The following SPG7 variants were observed in gnomAD, a reference collection of about 807,000 sequenced individuals.
The protein encoded by SPG7 is SPG7 matrix AAA peptidase subunit, paraplegin.
SPG7 carries 103 observed loss-of-function variants against 81.9 expected under a neutral mutation model. That is an observed-to-expected ratio of 1.26 (90% CI 1.07 to 1.48). SPG7 has a LOEUF of 1.48. Ranked by LOEUF, SPG7 falls within the 40% of genes most tolerant of loss-of-function variation. The probability of loss-of-function intolerance (pLI) is 0.00; values close to 1 mark genes in which losing one functional copy is unlikely to be tolerated. For synonymous variants in SPG7, 534 were observed against 444.2 expected (o/e 1.20, Z -2.54); for missense variants, 1,241 against 1,087.3 (o/e 1.14, Z -1.99).
At position 89,514,308 on chromosome 16, in the gene SPG7, C is replaced by CTTTTTTTTTTTTTTT. The variant is rs148270097; in HGVS notation, c.376+1289_376+1303dup. ...CATTTCAATAAAGTGTGTCCTTTGACTTTTTTTTTTTTTTTTTTTTTTTTT... is the reference window on the plus strand; with the variant it reads ...CATTTCAATAAAGTGTGTCCTTTGACTTTTTTTTTTTTTTTTTTTTTTTTTTTTTTTTTTTTTTTT... On this transcript the variant is annotated intron_variant, in intron 3 of 16. Coordinates refer to ENST00000645818, the MANE Select transcript of SPG7 (RefSeq NM_003119.4). The CTTTTTTTTTTTTTTT allele has an allele frequency of 4.1e-5, 2 of 48,418 alleles. 1 individual carries two copies. Among genetic ancestry groups the CTTTTTTTTTTTTTTT allele is most frequent in the African/African-American group, 1.8e-4 (2 of 10,900 alleles). The allele number at this position is 48,418 out of a possible 1,614,324, so 3.0% of individuals were successfully genotyped here. A position where few individuals can be genotyped will look rare whatever the true frequency, so the allele number is the denominator to read the frequency against.
chr16:89,556,874 C>A lies in SPG7; in HGVS notation c.2182-13C>A. The stretch of plus-strand genomic sequence containing the variant: ...CCTGGGGACTCACACACTGCTATGC[C>A]TGTTCTTTCTAGCTGGCAAACGCCC... On this transcript the variant is annotated splice_polypyrimidine_tract_variant and intron_variant, in intron 16 of 16. Coordinates refer to ENST00000645818, the MANE Select transcript of SPG7 (RefSeq NM_003119.4). 1 of 1,606,960 alleles carries A rather than the reference C, an allele frequency of 6.2e-7. No individual in the cohort carries two copies. The highest frequency in any genetic ancestry group is 1.3e-5 in the African/African-American group (1 of 74,806).
In SPG7 at chr16:89,557,616, C is replaced by CA. The variant is rs886052476; in HGVS notation, c.*524dup. ...CCCAGGCACTGGGCTCCGGAGGACT[C>CA]ACCACTGCCCCCTGCTGCCATGTGG... On this transcript the variant is annotated 3_prime_UTR_variant, in exon 17 of 17. Transcript: ENST00000645818. The CA allele has an allele frequency of 1.1e-5, 2 of 175,626 alleles. No individual in the cohort carries two copies. Among genetic ancestry groups the CA allele is most frequent in the Non-Finnish European group, 2.5e-5 (2 of 80,560 alleles). 10.9% of individuals were successfully genotyped at this position (175,626 alleles called of 1,614,324 possible).
At chr16:89,549,027 T>A (rs935717065) in intron 12 of SPG7, 1 of 455,968 alleles carries the variant, frequency 2.2e-6, no homozygotes, top group African/African-American at 2.0e-5. Flanking sequence ...TGCAGAGGAG[T>A]GGGGCAGCTG....
At chr16:89,546,351 C>T (rs2058563077) in intron 10 of SPG7, 2 of 370,128 alleles carry the variant, frequency 5.4e-6, no homozygotes, top group African/African-American at 2.1e-5. Flanking sequence ...GCCACCGGGC[C>T]CGGCCATCCA....
intron 4 of SPG7, 69 bp downstream of exon 4, chr16:89,524,316 CTGTGGGCTCCTGTGAATGAGGG>C: frequency 9.8e-6 from 15 of 1,530,408 alleles, no homozygotes; most frequent in Non-Finnish European, 1.2e-5. Flanking sequence ...GAGAGTGAGG[CTGTGGGCTCCTGTGAATGAGGG>C]TGTGGGCGCT....
chr16:89,535,240 G>A (rs971712306), intron 9 of SPG7, among the ~76,000 whole-genome samples: 1 of 152,174 alleles, frequency 6.6e-6, no homozygotes, highest in Non-Finnish European at 1.5e-5. Context: ...CCCTGGGCTG[G>A]CATGCATCTC....
chr16:89,555,674 T>G, intron 16 of SPG7: 4 of 387,060 alleles, frequency 1.0e-5, no homozygotes, highest in African/African-American at 4.1e-5. Flanking sequence ...ATTGGTCTCA[T>G]GTTTTGTAGG....
chr16:89,548,259 C>G (rs989437382), intron 12 of SPG7, 146 bp downstream of exon 12: 2 of 647,474 alleles, frequency 3.1e-6, no homozygotes, highest in Non-Finnish European at 5.6e-6. Context: ...TAACTCATGT[C>G]TTTATGATAC....
At chr16:89,534,723 G>A (rs553416675) in intron 9 of SPG7, among the ~76,000 whole-genome samples, 5 of 152,340 alleles carry the variant, frequency 3.3e-5, no homozygotes, top group African/African-American at 1.2e-4. Flanking sequence ...TGCCACGGTA[G>A]TCAGAGTGTT....
intron 9 of SPG7, chr16:89,542,186 CT>C: frequency 6.6e-6 from 1 of 152,444 alleles, no homozygotes; most frequent in Non-Finnish European, 1.5e-5. Context: ...GTTCCTATTA[CT>C]TTTCCCATTT....
chr16:89,529,259 A>G, intron 5 of SPG7: 3 of 607,376 alleles, frequency 4.9e-6, no homozygotes, highest in African/African-American at 1.8e-5. Flanking sequence ...CTGCACACTC[A>G]GTCTGACCAT....
intron 9 of SPG7, chr16:89,540,657 T>A (rs1466287528): frequency 1.3e-5 from 2 of 154,550 alleles, no homozygotes; most frequent in African/African-American, 2.4e-5. Flanking sequence ...ACCAGATCCC[T>A]TGTACGCTGC....
chr16:89,537,631 A>C (rs1450404534), intron 9 of SPG7: 10 of 941,882 alleles, frequency 1.1e-5, no homozygotes, highest in African/African-American at 3.6e-5. Flanking sequence ...TCCTAGGCTC[A>C]AGCTTCCTAA....
chr16:89,531,061 C>T, intron 7 of SPG7: 1 of 581,690 alleles, frequency 1.7e-6, no homozygotes, highest in South Asian at 1.9e-5. Flanking sequence ...CGTCCTGGGC[C>T]CTTCATCCCT....
At chr16:89,509,963 A>C (rs1567893082) in intron 1 of SPG7, among the ~76,000 whole-genome samples, 1 of 141,774 alleles carries the variant, frequency 7.1e-6, no homozygotes, top group African/African-American at 2.6e-5. Flanking sequence ...CACTATCGTG[A>C]TTTTTTGTTT....
chr16:89,511,647 G>A (rs1011605747), intron 2 of SPG7, among the ~76,000 whole-genome samples: 1 of 152,156 alleles, frequency 6.6e-6, no homozygotes, highest in African/African-American at 2.4e-5. Context: ...TGGCAACCGG[G>A]GCCGTTTCAC....
intron 3 of SPG7, among the ~76,000 whole-genome samples, chr16:89,516,386 A>G (rs2058096500): frequency 1.3e-5 from 2 of 151,060 alleles, no homozygotes; most frequent in South Asian, 4.2e-4. Context: ...TACTAAAAAT[A>G]CCAAAAAAAA....
At chr16:89,511,351 C>T (rs1597602160) in intron 2 of SPG7, among the ~76,000 whole-genome samples, 2 of 152,186 alleles carry the variant, frequency 1.3e-5, no homozygotes, top group Admixed American at 6.5e-5. Flanking sequence ...ATTCTTTGGT[C>T]TCTCTTGGCT....
chr16:89,551,404 C>G (rs923374583), intron 13 of SPG7: 3 of 154,634 alleles, frequency 1.9e-5, no homozygotes, highest in African/African-American at 7.2e-5. Flanking sequence ...AGCAAAGTTG[C>G]GTGTTAATCA....
Sources: gnomAD v4.1 joint callset for allele counts (sites outside exome capture counted in the v4.1 genomes callset) on GRCh38, gnomAD v4.1.1 for gene constraint, MANE v1.5 for transcripts, NCBI Gene and HGNC (gene_info 2026-07-23, HGNC 2026-07-21) for gene names.